The following AMMECR1 variants were observed in gnomAD, a reference collection of about 807,000 sequenced individuals.
The protein encoded by AMMECR1 is AMMECR nuclear protein 1.
In AMMECR1, 3 loss-of-function variants were observed where a neutral mutation model predicts 22.5. That is an observed-to-expected ratio of 0.13 (90% CI 0.06 to 0.35). The LOEUF (loss-of-function observed/expected upper bound fraction) is 0.35. AMMECR1 is among the 10% of genes least tolerant of loss of function. The probability of loss-of-function intolerance (pLI) is 1.00; values close to 1 mark genes in which losing one functional copy is unlikely to be tolerated. For synonymous variants in AMMECR1, 130 were observed against 116.7 expected (o/e 1.11, Z -0.74); for missense variants, 235 against 278.7 (o/e 0.84, Z 1.12).
intron 1 of AMMECR1, among the ~76,000 whole-genome samples, chrX:110,286,158 G>T (rs1018025826): frequency 9.0e-6 from 1 of 111,683 alleles, no homozygotes; most frequent in Admixed American, 9.5e-5. Context: ...AACGTCTAAC[G>T]AACATAAGTA....
intron 2 of AMMECR1, among the ~76,000 whole-genome samples, chrX:110,259,964 A>T (rs760792249): frequency 1.7e-4 from 19 of 111,525 alleles, no homozygotes; most frequent in Non-Finnish European, 3.2e-4. Context: ...TTTTCTAAGT[A>T]CTAAAATTGG....
rs141884263 is a variant in AMMECR1 at position 110,231,044 on chromosome X, T to G, written c.585-14412A>C. ...TGGGACTATGTCAAAAGACCAAATC[T>G]ACGTGTGATTGGTGTACCTGAAAGT... On this transcript the variant is annotated intron_variant, in intron 2 of 5. Coordinates refer to ENST00000262844, the MANE Select transcript of AMMECR1 (RefSeq NM_015365.3). Among the ~76,000 whole-genome samples, 964 of 112,135 alleles carry G rather than the reference T, an allele frequency of 8.6e-3. 4 individuals are homozygous for G. Among genetic ancestry groups the G allele is most frequent in the Middle Eastern group, 0.014 (3 of 219 alleles).
At chrX:110,436,592 C>T (rs943627035) in intron 1 of AMMECR1, among the ~76,000 whole-genome samples, 1 of 111,975 alleles carries the variant, frequency 8.9e-6, no homozygotes, top group Non-Finnish European at 1.9e-5. Context: ...GCAAGGGGGA[C>T]TGGAATGCAG....
At chrX:110,406,250 C>T (rs1455336194) in intron 2 of AMMECR1, among the ~76,000 whole-genome samples, 1 of 109,754 alleles carries the variant, frequency 9.1e-6, no homozygotes, top group South Asian at 4.0e-4. Context: ...AATGCTATCC[C>T]TCCCCTAGCC....
At chrX:110,198,728 G>A in intron 5 of AMMECR1, 94 bp from the exon 6 acceptor site, 2 of 614,265 alleles carry the variant, frequency 3.3e-6, no homozygotes, top group Non-Finnish European at 5.3e-6. Context: ...TAATTTTATA[G>A]ATCAGGAAAC....
chrX:110,273,081 T>C (rs1333269608), intron 1 of AMMECR1, among the ~76,000 whole-genome samples: 1 of 112,022 alleles, frequency 8.9e-6, no homozygotes, highest in Admixed American at 9.4e-5. Context: ...CTTAGAGAAA[T>C]GGCCATCCTG....
At chrX:110,310,278 T>C (rs933956530) in intron 1 of AMMECR1, among the ~76,000 whole-genome samples, 15 of 112,080 alleles carry the variant, frequency 1.3e-4, no homozygotes, top group African/African-American at 4.9e-4. Flanking sequence ...CCATGTTTTT[T>C]AATGGCACCA....
At chrX:110,228,851 T>C (rs1477750693) in intron 2 of AMMECR1, among the ~76,000 whole-genome samples, 2 of 112,087 alleles carry the variant, frequency 1.8e-5, no homozygotes, top group East Asian at 2.8e-4. Context: ...TTCTGTCCCA[T>C]CATTTCTACT....
intron 1 of AMMECR1, among the ~76,000 whole-genome samples, chrX:110,433,174 T>G (rs1301121176): frequency 1.8e-5 from 2 of 112,310 alleles, no homozygotes; most frequent in African/African-American, 3.2e-5. Context: ...ACCAGGACCC[T>G]CAAGCCGAGC....
intron 2 of AMMECR1, among the ~76,000 whole-genome samples, chrX:110,237,373 G>C (rs1258043257): frequency 1.8e-5 from 2 of 110,473 alleles, no homozygotes; most frequent in Admixed American, 1.9e-4. Context: ...GGGGGATGGA[G>C]GACTTGTTGA....
At chrX:110,391,132 C>T (rs1244196195) in intron 2 of AMMECR1, among the ~76,000 whole-genome samples, 1 of 111,612 alleles carries the variant, frequency 9.0e-6, no homozygotes, top group Non-Finnish European at 1.9e-5. Context: ...CTCTTTTCTC[C>T]CAGGCTGATT....
rs189588200 is a variant in AMMECR1 at position 110,291,397 on chromosome X, G to A, written c.473+26202C>T. On this transcript the variant is annotated intron_variant, in intron 1 of 5. Coordinates refer to ENST00000262844, the MANE Select transcript of AMMECR1 (RefSeq NM_015365.3). ...AAAAAATTAGCCGGCGTGGTGGTGC[G>A]CACCTGTAGTCCTAGCTACTCAGGA... Among the ~76,000 whole-genome samples, 28 of 110,863 alleles carry A rather than the reference G, an allele frequency of 2.5e-4. No individual in the cohort carries two copies. In the East Asian group the frequency reaches 5.1e-3, roughly 20 times the overall value.
At chrX:110,318,208 C>T (rs747434366), upstream of AMMECR1, 11 of 407,413 alleles carry the variant, frequency 2.7e-5, no homozygotes, top group Non-Finnish European at 3.4e-5. Context: ...CTCCCGGCCC[C>T]GTCTGCCTAG....
At chrX:110,237,447 G>A (rs1026170158) in intron 2 of AMMECR1, among the ~76,000 whole-genome samples, 2 of 110,658 alleles carry the variant, frequency 1.8e-5, no homozygotes, top group African/African-American at 6.6e-5. Context: ...AGGGAAAATG[G>A]GTGGAAATGG....
intron 2 of AMMECR1, among the ~76,000 whole-genome samples, chrX:110,338,278 A>G (rs1210759728): frequency 8.9e-6 from 1 of 112,360 alleles, no homozygotes; most frequent in East Asian, 2.8e-4. Flanking sequence ...CCTAAAACAG[A>G]CTTGTACCCA....
intron 1 of AMMECR1, among the ~76,000 whole-genome samples, chrX:110,311,322 T>C (rs1005897590): frequency 8.9e-6 from 1 of 112,015 alleles, no homozygotes; most frequent in Admixed American, 9.5e-5. Flanking sequence ...TTTCCATGTG[T>C]ATGCATTTTA....
At chrX:110,387,506 T>C (rs2068463857) in intron 2 of AMMECR1, among the ~76,000 whole-genome samples, 1 of 112,376 alleles carries the variant, frequency 8.9e-6, no homozygotes, top group East Asian at 2.8e-4. Context: ...AGAATTCAGT[T>C]TGAGACTTCC....
chrX:110,216,229 C>G (rs2067472788), intron 3 of AMMECR1, among the ~76,000 whole-genome samples: 1 of 111,767 alleles, frequency 8.9e-6, no homozygotes, highest in South Asian at 3.8e-4. Context: ...AAATTCCAGT[C>G]AGTCCTTCTT....
intron 2 of AMMECR1, among the ~76,000 whole-genome samples, chrX:110,229,691 GC>G (rs2067552164): frequency 8.9e-6 from 1 of 112,357 alleles, no homozygotes; most frequent in Admixed American, 9.4e-5. Flanking sequence ...GCGAGCTGAA[GC>G]AGGGCGGGGC....
Sources: gnomAD v4.1 joint callset for allele counts (sites outside exome capture counted in the v4.1 genomes callset) on GRCh38, gnomAD v4.1.1 for gene constraint, MANE v1.5 for transcripts, NCBI Gene and HGNC (gene_info 2026-07-23, HGNC 2026-07-21) for gene names.